Variants in SLC9A9 observed in about 807,000 individuals in gnomAD.
The protein encoded by SLC9A9 is sodium/hydrogen exchanger 9.
In SLC9A9, 62 loss-of-function variants were observed where a neutral mutation model predicts 77.8. The ratio of observed to expected loss-of-function variants is 0.80; its 90% CI spans 0.65 to 0.98. The LOEUF (loss-of-function observed/expected upper bound fraction) is 0.98. Ranked by LOEUF, SLC9A9 falls within the 50% of genes least tolerant of loss-of-function variation. The pLI is 0.00. For missense variants in SLC9A9, 775 were observed against 774.9 expected (o/e 1.00, Z 0.00); for synonymous variants, 320 against 283.5 (o/e 1.13, Z -1.29).
chr3:143,303,354 G>T (rs1444639103), intron 14 of SLC9A9, among the ~76,000 whole-genome samples: 2 of 151,626 alleles, frequency 1.3e-5, no homozygotes, highest in Non-Finnish European at 2.9e-5. Flanking sequence ...TTCCAGGTGG[G>T]TTTTTTTCTT....
At chr3:143,679,975 T>C (rs1042646230) in intron 5 of SLC9A9, among the ~76,000 whole-genome samples, 4 of 151,992 alleles carry the variant, frequency 2.6e-5, no homozygotes, top group Admixed American at 6.5e-5. Context: ...ATAATTTAGA[T>C]AATGGGAAAC....
chr3:143,508,084 A>G (rs888949811), intron 9 of SLC9A9, among the ~76,000 whole-genome samples: 1 of 152,176 alleles, frequency 6.6e-6, no homozygotes, highest in Non-Finnish European at 1.5e-5. Flanking sequence ...AAATATTTCT[A>G]ATTATGTTTT....
At chr3:143,309,435 G>A (rs972768643) in intron 14 of SLC9A9, among the ~76,000 whole-genome samples, 1 of 143,108 alleles carries the variant, frequency 7.0e-6, no homozygotes, top group Non-Finnish European at 1.5e-5. Context: ...AAAAAAAAAG[G>A]TTCATTTGGG....
In SLC9A9 at chr3:143,392,923, C is replaced by G. The variant is rs545100072; in HGVS notation, c.1470-10809G>C. 5.9e-5 allele frequency among the ~76,000 whole-genome samples: 9 copies of G among 152,322 alleles called. No homozygotes were observed. In the South Asian group the frequency reaches 1.7e-3, roughly 28 times the overall value. On this transcript the variant is annotated intron_variant, in intron 12 of 15. Coordinates refer to ENST00000316549, the MANE Select transcript of SLC9A9 (RefSeq NM_173653.4). Reference sequence around the variant, plus strand: ...AACTATCCTAAATATGCACCCAATACAGGAACACCCAGATTCATAAAGCAA... The same window carrying G: ...AACTATCCTAAATATGCACCCAATAGAGGAACACCCAGATTCATAAAGCAA...
At chr3:143,527,782 C>T (rs554500276) in intron 9 of SLC9A9, among the ~76,000 whole-genome samples, 1 of 152,130 alleles carries the variant, frequency 6.6e-6, no homozygotes, top group Non-Finnish European at 1.5e-5. Flanking sequence ...CAGTGGGGCA[C>T]AACCAAAGGG....
chr3:143,815,651 G>A (rs1481224490), intron 2 of SLC9A9, among the ~76,000 whole-genome samples: 2 of 152,044 alleles, frequency 1.3e-5, no homozygotes, highest in African/African-American at 4.8e-5. Context: ...GGATCACGAG[G>A]TCAAGAGATG....
intron 13 of SLC9A9, among the ~76,000 whole-genome samples, chr3:143,368,446 T>C (rs1278566707): frequency 6.6e-6 from 1 of 152,184 alleles, no homozygotes; most frequent in African/African-American, 2.4e-5. Context: ...ATATGAGGAA[T>C]TTGCTAAGTG....
intron 9 of SLC9A9, among the ~76,000 whole-genome samples, chr3:143,549,377 T>C (rs1325698226): frequency 1.3e-5 from 2 of 152,124 alleles, no homozygotes; most frequent in African/African-American, 4.8e-5. Context: ...GTACATAGGC[T>C]GTGTATGTAC....
intron 4 of SLC9A9, among the ~76,000 whole-genome samples, chr3:143,764,998 CCTTT>C (rs201502449): frequency 0.012 from 1,555 of 128,372 alleles, 22 homozygotes; most frequent in African/African-American, 0.045. Flanking sequence ...TTCCTTCCTT[CCTTT>C]CTTTCTTTCT....
intron 12 of SLC9A9, among the ~76,000 whole-genome samples, chr3:143,448,524 A>G (rs2034886888): frequency 1.3e-5 from 2 of 152,082 alleles, no homozygotes; most frequent in Non-Finnish European, 1.5e-5. Context: ...AAAGCATGCA[A>G]TTATCATGGA....
chr3:143,728,962 A>G (rs1245702477), intron 4 of SLC9A9, among the ~76,000 whole-genome samples: 2 of 152,032 alleles, frequency 1.3e-5, no homozygotes, highest in Non-Finnish European at 2.9e-5. Context: ...GCCTCTCCTC[A>G]TAATCTAAAG....
intron 1 of SLC9A9, among the ~76,000 whole-genome samples, chr3:143,844,609 A>G (rs191163050): frequency 1.3e-5 from 2 of 152,340 alleles, no homozygotes; most frequent in Admixed American, 6.5e-5. Flanking sequence ...AATATATTTC[A>G]TTACAAGCAT....
chr3:143,381,224 C>T (rs1362792175), intron 13 of SLC9A9: 1 of 152,128 alleles, frequency 6.6e-6, no homozygotes, highest in Non-Finnish European at 1.5e-5. Flanking sequence ...CCCACAATTC[C>T]CATGTGTTGT....
At chr3:143,500,857 A>G (rs1245365236) in intron 9 of SLC9A9, among the ~76,000 whole-genome samples, 1 of 150,702 alleles carries the variant, frequency 6.6e-6, no homozygotes, top group Non-Finnish European at 1.5e-5. Context: ...TTTGCATTTT[A>G]TTGTACCACA....
intron 14 of SLC9A9, among the ~76,000 whole-genome samples, chr3:143,352,403 G>C (rs2108474607): frequency 6.6e-6 from 1 of 152,344 alleles, no homozygotes; most frequent in Middle Eastern, 3.4e-3. Flanking sequence ...CGACAGGTCA[G>C]TGAAACCTAA....
chr3:143,345,656 T>C (rs980474283), intron 14 of SLC9A9, among the ~76,000 whole-genome samples: 1 of 152,182 alleles, frequency 6.6e-6, no homozygotes, highest in African/African-American at 2.4e-5. Context: ...TATCTGAAGT[T>C]GTTGATCAAT....
intron 2 of SLC9A9, among the ~76,000 whole-genome samples, chr3:143,803,031 G>A (rs2008609137): frequency 6.6e-6 from 1 of 152,062 alleles, no homozygotes; most frequent in Non-Finnish European, 1.5e-5. Flanking sequence ...ACACACCCTA[G>A]CTGGACAATC....
chr3:143,377,776 G>A (rs887248901), intron 13 of SLC9A9, among the ~76,000 whole-genome samples: 2 of 152,180 alleles, frequency 1.3e-5, no homozygotes, highest in African/African-American at 4.8e-5. Flanking sequence ...CATCAAGGGT[G>A]TCTATCACAT....
rs193203165 is a variant in SLC9A9, at chr3:143,635,399, G to T, written c.755+16856C>A. On this transcript the variant is annotated intron_variant, in intron 6 of 15. Coordinates refer to ENST00000316549, the MANE Select transcript of SLC9A9 (RefSeq NM_173653.4). ...CATAGACCCATTTCTGGATAGGAGT[G>T]TCAATGAATTTGGGGGCTATGTTTT... Among the ~76,000 whole-genome samples the T allele has an allele frequency of 1.2e-4, 18 of 152,288 alleles. No homozygotes were observed. The East Asian group carries it at 3.5e-3, about 29-fold the overall frequency.
Sources: gnomAD v4.1 joint callset for allele counts (sites outside exome capture counted in the v4.1 genomes callset) on GRCh38, gnomAD v4.1.1 for gene constraint, MANE v1.5 for transcripts, NCBI Gene and HGNC (gene_info 2026-07-23, HGNC 2026-07-21) for gene names.